OR9Q1: variants seen among roughly 807,000 people sequenced by gnomAD.
OR9Q1 encodes olfactory receptor 9Q1.
For synonymous variants in OR9Q1, 153 were observed against 148.6 expected (o/e 1.03, Z -0.22); for missense variants, 374 against 378.8 (o/e 0.99, Z 0.11).
intron 2 of OR9Q1, among the ~76,000 whole-genome samples, chr11:58,134,295 T>C (rs138056076): frequency 6.6e-6 from 1 of 152,294 alleles, no homozygotes; most frequent in Admixed American, 6.5e-5. Context: ...ACAGCTGTGC[T>C]AAGACTCTGA....
chr11:58,163,015 A>C (rs979163119), intron 2 of OR9Q1, among the ~76,000 whole-genome samples: 8 of 152,224 alleles, frequency 5.3e-5, no homozygotes, highest in African/African-American at 1.9e-4. Flanking sequence ...GAATTTACAG[A>C]GGGGTGAATC....
chr11:58,161,863 G>A (rs1184286550), intron 2 of OR9Q1, among the ~76,000 whole-genome samples: 1 of 152,200 alleles, frequency 6.6e-6, no homozygotes, highest in African/African-American at 2.4e-5. Flanking sequence ...TGAAACTAGA[G>A]AGTCCAAACT....
chr11:58,093,300 G>A (rs1189840453), intron 2 of OR9Q1, among the ~76,000 whole-genome samples: 1 of 151,872 alleles, frequency 6.6e-6, no homozygotes, highest in East Asian at 1.9e-4. Context: ...ATTTACAAGG[G>A]ACTCAAACAG....
intron 2 of OR9Q1, among the ~76,000 whole-genome samples, chr11:58,149,304 A>G (rs1854328219): frequency 6.6e-6 from 1 of 152,174 alleles, no homozygotes; most frequent in South Asian, 2.1e-4. Context: ...GAGCTACTAT[A>G]TGCTGGGAAC....
chr11:58,063,141 C>A (rs1309202634), intron 2 of OR9Q1, among the ~76,000 whole-genome samples: 1 of 152,166 alleles, frequency 6.6e-6, no homozygotes, highest in African/African-American at 2.4e-5. Context: ...TCATATAGGG[C>A]AGTTTCCCTA....
At chr11:58,110,043 T>C (rs1853884449) in intron 2 of OR9Q1, among the ~76,000 whole-genome samples, 1 of 151,998 alleles carries the variant, frequency 6.6e-6, no homozygotes, top group Admixed American at 6.5e-5. Flanking sequence ...TCTATGTGGC[T>C]TCTTAGGCTG....
At chr11:58,153,802 CAG>C (rs1399820119) in intron 2 of OR9Q1, among the ~76,000 whole-genome samples, 1 of 152,024 alleles carries the variant, frequency 6.6e-6, no homozygotes, top group Non-Finnish European at 1.5e-5. Context: ...ATAAATGTAA[CAG>C]AATATTAATA....
intron 2 of OR9Q1, chr11:58,119,262 G>A (rs1161194062): frequency 2.5e-6 from 4 of 1,614,014 alleles, no homozygotes; most frequent in South Asian, 2.2e-5. Flanking sequence ...GGCTCAGGAA[G>A]AAGTACATTG....
At chr11:58,077,546 C>A (rs532074943) in intron 2 of OR9Q1, 1 of 152,240 alleles carries the variant, frequency 6.6e-6, no homozygotes, top group African/African-American at 2.4e-5. Context: ...AAGGTCATAG[C>A]AGTTAGGTGG....
chr11:58,145,958 A>G (rs758155276), intron 2 of OR9Q1, among the ~76,000 whole-genome samples: 18 of 152,186 alleles, frequency 1.2e-4, no homozygotes, highest in Non-Finnish European at 1.2e-4. Flanking sequence ...TGTCATAGAA[A>G]ATAAAAGCAA....
At position 58,062,327 on chromosome 11, in the gene OR9Q1, G is replaced by A. The variant is rs556739934; in HGVS notation, c.-15+6380G>A. 4.6e-5 allele frequency among the ~76,000 whole-genome samples: 7 copies of A among 152,240 alleles called. No homozygotes were observed. In the East Asian group the frequency reaches 1.2e-3, roughly 25 times the overall value. The stretch of plus-strand genomic sequence containing the variant: ...GACATCCTCTCCCTTATAAAGGACG[G>A]AAACACCCACGTAGGTTGAGCCACT... On this transcript the variant is annotated intron_variant, in intron 2 of 2. Coordinates refer to ENST00000335397, the MANE Select transcript of OR9Q1 (RefSeq NM_001005212.4).
rs1331389261 is a variant in OR9Q1, at chr11:58,024,095, C to G, written c.-102C>G. ...GCCTTTCCCAAACTCACAGCTACGGCCTGACGGAGGTAGGGTCAAATGCAG... is the reference window on the plus strand; with the variant it reads ...GCCTTTCCCAAACTCACAGCTACGGGCTGACGGAGGTAGGGTCAAATGCAG... On this transcript the variant is annotated 5_prime_UTR_variant, in exon 1 of 3. Coordinates refer to ENST00000335397, the MANE Select transcript of OR9Q1 (RefSeq NM_001005212.4). The G allele has an allele frequency of 6.6e-6, 1 of 152,328 alleles. No homozygotes were observed. Among genetic ancestry groups the G allele is most frequent in the Non-Finnish European group, 1.5e-5 (1 of 68,094 alleles). 9.4% of individuals were successfully genotyped at this position (152,328 alleles called of 1,614,324 possible).
rs1854646253 is a variant in OR9Q1, at chr11:58,179,937, A to G, written c.493A>G (p.Thr165Ala). 2 of 1,613,242 alleles carry G rather than the reference A, an allele frequency of 1.2e-6. No homozygotes were observed. Among genetic ancestry groups the G allele is most frequent in the Non-Finnish European group, 1.7e-6 (2 of 1,179,834 alleles). The stretch of plus-strand genomic sequence containing the variant: ...CTTGGTGCGGACAGTCTCAGCCTTC[A>G]CTCTCTCCTTCTGTGGAACCAGTGA... ...SALVRTVSAFTLSFCGTSEID... is the reference protein window; with the variant it reads ...SALVRTVSAFALSFCGTSEID... Residue 165 changes from threonine to alanine, a missense_variant, in exon 3 of 3, where the codon ACT becomes GCT. Thr to Ala is a moderately conservative substitution (Grantham distance 58, BLOSUM62 0). Coordinates refer to ENST00000335397, the MANE Select transcript of OR9Q1 (RefSeq NM_001005212.4).
chr11:58,140,868 G>T (rs1034121291), intron 2 of OR9Q1, among the ~76,000 whole-genome samples: 3 of 152,116 alleles, frequency 2.0e-5, no homozygotes, highest in African/African-American at 2.4e-5. Context: ...ATCTATAAAT[G>T]ACCTTGGGCA....
At chr11:58,165,929 C>A (rs2119936060) in intron 2 of OR9Q1, among the ~76,000 whole-genome samples, 1 of 152,312 alleles carries the variant, frequency 6.6e-6, no homozygotes, top group South Asian at 2.1e-4. Context: ...TTATTCAGCA[C>A]AGGAAAATGA....
intron 2 of OR9Q1, among the ~76,000 whole-genome samples, chr11:58,133,837 C>T (rs1401052308): frequency 6.6e-6 from 1 of 152,176 alleles, no homozygotes; most frequent in Non-Finnish European, 1.5e-5. Flanking sequence ...TAAAATAGAA[C>T]AATCTCCTTT....
At position 58,089,645 on chromosome 11, in the gene OR9Q1, G is replaced by A. The variant is rs78182804; in HGVS notation, c.-15+33698G>A. On this transcript the variant is annotated intron_variant, in intron 2 of 2. Coordinates refer to ENST00000335397, the MANE Select transcript of OR9Q1 (RefSeq NM_001005212.4). ...GTCTTTGCTATGTGGGCTCTTTTTT[G>A]GTTCCATATGAAATTTAAAGTAGTT... 3.8e-3 allele frequency among the ~76,000 whole-genome samples: 577 copies of A among 151,854 alleles called. 17 individuals are homozygous for A. Among genetic ancestry groups the A allele is most frequent in the East Asian group, 0.017 (88 of 5,184 alleles).
At chr11:58,035,169 G>A (rs1361333449) in intron 1 of OR9Q1, among the ~76,000 whole-genome samples, 1 of 152,094 alleles carries the variant, frequency 6.6e-6, no homozygotes, top group Non-Finnish European at 1.5e-5. Flanking sequence ...TCTTTGGTGA[G>A]AAGTGAGCCT....
intron 2 of OR9Q1, chr11:58,119,358 C>T (rs374928765): frequency 6.2e-7 from 1 of 1,613,658 alleles, no homozygotes; most frequent in Non-Finnish European, 8.5e-7. Context: ...TCAGAAACAC[C>T]AGAAAGAGGG....
Sources: allele counts gnomAD v4.1 joint callset (sites outside exome capture counted in the v4.1 genomes callset), GRCh38; gene constraint gnomAD v4.1.1; transcripts MANE v1.5; gene names NCBI Gene and HGNC (gene_info 2026-07-23, HGNC 2026-07-21).